Variants in PRKCB observed in about 807,000 individuals in gnomAD.
The protein encoded by PRKCB is protein kinase C beta.
Under a neutral mutation model 81.5 loss-of-function variants are expected in PRKCB, and 13 were observed. That is an observed-to-expected ratio of 0.16 (90% confidence interval 0.10 to 0.25). PRKCB has a LOEUF of 0.25. Among genes scored for constraint, PRKCB ranks in the 10% least tolerant of loss-of-function variants. PRKCB has a pLI of 1.00. For missense variants in PRKCB, 509 were observed against 875.7 expected, an observed-to-expected ratio of 0.58 and a Z score of 5.29; for synonymous variants, 335 against 321.4, an observed-to-expected ratio of 1.04 and a Z score of -0.45.
intron 9 of PRKCB, among the ~76,000 whole-genome samples, chr16:24,142,802 A>G (rs1210727323): frequency 6.6e-6 from 1 of 152,120 alleles, no homozygotes; most frequent in Non-Finnish European, 1.5e-5. Context: ...CATGCAGGAG[A>G]TAGCCCCAGA....
At chr16:23,902,559 C>T (rs1027756132) in intron 2 of PRKCB, among the ~76,000 whole-genome samples, 2 of 152,080 alleles carry the variant, frequency 1.3e-5, no homozygotes, top group African/African-American at 2.4e-5. Flanking sequence ...ATTTTACAGA[C>T]GGGGAAGCTG....
At chr16:24,151,894 G>A (rs1440930871) in intron 9 of PRKCB, 2 of 454,966 alleles carry the variant, frequency 4.4e-6, no homozygotes, top group African/African-American at 2.0e-5. Context: ...CCCTGTCCCT[G>A]GTGAAGGGGG....
intron 2 of PRKCB, among the ~76,000 whole-genome samples, chr16:23,867,719 C>G (rs1962832297): frequency 6.6e-6 from 1 of 152,166 alleles, no homozygotes; most frequent in Non-Finnish European, 1.5e-5. Context: ...ATTATTCCCA[C>G]TTTAAGGATG....
chr16:23,946,810 T>C (rs1461107690), intron 2 of PRKCB, among the ~76,000 whole-genome samples: 1 of 152,086 alleles, frequency 6.6e-6, no homozygotes, highest in East Asian at 1.9e-4. Flanking sequence ...TGGTGCTGAT[T>C]CTGCTAGTCC....
chr16:23,983,113 TA>T (rs150759074), intron 2 of PRKCB, among the ~76,000 whole-genome samples: 16,617 of 139,658 alleles, frequency 0.12, 918 homozygotes, highest in Middle Eastern at 0.26. Flanking sequence ...TGCCTCTTCT[TA>T]AAAAAAAAAA....
intron 5 of PRKCB, among the ~76,000 whole-genome samples, chr16:24,087,490 C>T (rs2141897011): frequency 6.6e-6 from 1 of 152,256 alleles, no homozygotes; most frequent in South Asian, 2.1e-4. Context: ...GTGGGTATTA[C>T]TTTGGATTAA....
At chr16:24,037,453 A>G (rs949802386) in intron 5 of PRKCB, among the ~76,000 whole-genome samples, 1 of 152,232 alleles carries the variant, frequency 6.6e-6, no homozygotes, top group South Asian at 2.1e-4. Context: ...TCTGATTTAC[A>G]TTGTTTCAAC....
intron 9 of PRKCB, among the ~76,000 whole-genome samples, chr16:24,150,867 A>G (rs1028898262): frequency 2.6e-5 from 4 of 152,164 alleles, no homozygotes; most frequent in African/African-American, 7.2e-5. Context: ...AATTTTTGCT[A>G]TGCCTTATGC....
intron 5 of PRKCB, among the ~76,000 whole-genome samples, chr16:24,039,073 G>A (rs1277214522): frequency 6.6e-6 from 1 of 152,144 alleles, no homozygotes; most frequent in Non-Finnish European, 1.5e-5. Flanking sequence ...AAGAAAGAGA[G>A]ATCATTCTGT....
intron 1 of PRKCB, 138 bp from the exon 2 acceptor site, chr16:23,837,237 C>A: frequency 9.4e-7 from 1 of 1,066,636 alleles, no homozygotes; most frequent in Non-Finnish European, 1.5e-6. Flanking sequence ...AGGCGGAAGA[C>A]TCTTGGGCAC....
chr16:23,996,013 G>GGA (rs1415131490), intron 3 of PRKCB, among the ~76,000 whole-genome samples: 1 of 152,070 alleles, frequency 6.6e-6, no homozygotes, highest in Non-Finnish European at 1.5e-5. Context: ...ACTTTGCTTG[G>GGA]GAGGAGAAGT....
chr16:24,210,465 G>A (rs1476488792), intron 16 of PRKCB, among the ~76,000 whole-genome samples: 1 of 151,668 alleles, frequency 6.6e-6, no homozygotes. Flanking sequence ...AGCTGAAAAT[G>A]GCATCACTCT....
intron 2 of PRKCB, among the ~76,000 whole-genome samples, chr16:23,941,342 C>T (rs1964138685): frequency 6.6e-6 from 1 of 152,120 alleles, no homozygotes; most frequent in African/African-American, 2.4e-5. Flanking sequence ...AACAAATGAT[C>T]CTTTTGGTTT....
At chr16:24,207,593 A>G (rs914489458) in intron 16 of PRKCB, among the ~76,000 whole-genome samples, 4 of 152,304 alleles carry the variant, frequency 2.6e-5, no homozygotes. Context: ...ATTTTTAAGA[A>G]TGTTTTGCAT....
At chr16:24,029,180 T>C (rs901613944) in intron 3 of PRKCB, among the ~76,000 whole-genome samples, 17 of 152,216 alleles carry the variant, frequency 1.1e-4, no homozygotes, top group Non-Finnish European at 2.2e-4. Flanking sequence ...TTGGTATCGT[T>C]GGTTTTAGTT....
intron 3 of PRKCB, among the ~76,000 whole-genome samples, chr16:24,017,339 C>T (rs982643585): frequency 6.6e-6 from 1 of 152,136 alleles, no homozygotes; most frequent in Non-Finnish European, 1.5e-5. Flanking sequence ...CTTGAGAGCT[C>T]ATGCTAAAAT....
In PRKCB at chr16:23,836,160, G is replaced by C; in HGVS notation, c.-16G>C. 6.7e-7 allele frequency: 1 copy of C among 1,502,528 alleles called. No individual in the cohort carries two copies. Among genetic ancestry groups the C allele is most frequent in the Non-Finnish European group, 8.9e-7 (1 of 1,128,454 alleles). The allele number at this position is 1,502,528 out of a possible 1,614,324, so 93.1% of individuals were successfully genotyped here. A position where few individuals can be genotyped will look rare whatever the true frequency, so the allele number is the denominator to read the frequency against. On this transcript the variant is annotated 5_prime_UTR_variant, in exon 1 of 17. Coordinates refer to ENST00000643927, the MANE Select transcript of PRKCB (RefSeq NM_002738.7). ...CGGGGCCGGCACCTCTCGGGCTCCG[G>C]CTCCCCGCGCGCAAGATGGCTGACC... is the stretch of plus-strand genomic sequence containing the variant.
chr16:24,210,738 G>A (rs1351903801), intron 16 of PRKCB, among the ~76,000 whole-genome samples: 2 of 152,134 alleles, frequency 1.3e-5, no homozygotes, highest in African/African-American at 4.8e-5. Context: ...GAGCTCAAGT[G>A]ATCCACCATC....
chr16:24,030,593 A>G (rs1353605723), intron 3 of PRKCB, among the ~76,000 whole-genome samples: 2 of 152,006 alleles, frequency 1.3e-5, no homozygotes, highest in African/African-American at 4.8e-5. Flanking sequence ...AAAAAGATCA[A>G]ATTAGCTGGG....
Sources: allele counts gnomAD v4.1 joint callset (sites outside exome capture counted in the v4.1 genomes callset), GRCh38; gene constraint gnomAD v4.1.1; transcripts MANE v1.5; gene names NCBI Gene and HGNC (gene_info 2026-07-23, HGNC 2026-07-21).